Variants in EPC1 observed in about 807,000 individuals in gnomAD.
EPC1 encodes the protein enhancer of polycomb 1, also known as enhancer of polycomb homolog 1.
Under a neutral mutation model 98.4 loss-of-function variants are expected in EPC1, and 12 were observed. That is an observed-to-expected ratio of 0.12 (90% CI 0.08 to 0.20). The LOEUF is 0.20. Ranked by LOEUF, EPC1 falls within the 10% of genes least tolerant of loss-of-function variation. EPC1 has a pLI of 1.00. For missense variants in EPC1, 729 were observed against 990.5 expected (o/e 0.74, Z 3.54); for synonymous variants, 357 against 363.9 (o/e 0.98, Z 0.21).
At chr10:32,361,584 T>G (rs754687663) in intron 1 of EPC1, among the ~76,000 whole-genome samples, 3 of 152,232 alleles carry the variant, frequency 2.0e-5, no homozygotes, top group Non-Finnish European at 2.9e-5. Context: ...CTTAGTCATT[T>G]AGAAATGCAA....
intron 1 of EPC1, among the ~76,000 whole-genome samples, chr10:32,363,261 G>T (rs1839495279): frequency 6.6e-6 from 1 of 152,092 alleles, no homozygotes; most frequent in Non-Finnish European, 1.5e-5. Flanking sequence ...TTTTTGCAGA[G>T]AAAATTTTGT....
intron 2 of EPC1, among the ~76,000 whole-genome samples, chr10:32,304,416 T>G: frequency 6.6e-6 from 1 of 152,202 alleles, no homozygotes; most frequent in South Asian, 2.1e-4. Context: ...AAATCCACCT[T>G]GGCATGATTT....
At chr10:32,280,905 T>C (rs1836378107) in intron 10 of EPC1, among the ~76,000 whole-genome samples, 1 of 152,214 alleles carries the variant, frequency 6.6e-6, no homozygotes, top group Non-Finnish European at 1.5e-5. Context: ...ACGTCTGAAA[T>C]CTGAAATGCT....
chr10:32,304,622 A>G (rs1448311680), intron 2 of EPC1, among the ~76,000 whole-genome samples: 1 of 152,212 alleles, frequency 6.6e-6, no homozygotes, highest in Non-Finnish European at 1.5e-5. Context: ...GGTCCCCTAG[A>G]AAAACCTCTT....
intron 1 of EPC1, among the ~76,000 whole-genome samples, chr10:32,336,111 C>G (rs527356605): frequency 1.4e-5 from 2 of 147,816 alleles, no homozygotes; most frequent in African/African-American, 5.2e-5. Context: ...TCTTATTGTC[C>G]AGGCTGGAGT....
chr10:32,292,423 G>T, intron 5 of EPC1, 73 bp downstream of exon 5: 1 of 1,098,306 alleles, frequency 9.1e-7, no homozygotes, highest in Non-Finnish European at 1.3e-6. Context: ...TATTGCATAG[G>T]AAATAAATTA....
chr10:32,306,032 G>C, intron 1 of EPC1, 101 bp from the exon 2 acceptor site: 3 of 1,012,656 alleles, frequency 3.0e-6, no homozygotes, highest in Middle Eastern at 4.5e-4. Context: ...TTTTAAAATA[G>C]AGAGATTCTA....
intron 2 of EPC1, among the ~76,000 whole-genome samples, chr10:32,294,799 C>T (rs1835051010): frequency 6.6e-6 from 1 of 152,130 alleles, no homozygotes; most frequent in Admixed American, 6.6e-5. Flanking sequence ...ACTAACATTA[C>T]AGTCCACATC....
chr10:32,298,289 G>C (rs369184665), intron 2 of EPC1, among the ~76,000 whole-genome samples: 2 of 152,180 alleles, frequency 1.3e-5, no homozygotes, highest in African/African-American at 4.8e-5. Flanking sequence ...CTCAAACTAA[G>C]TGTGCATTCG....
chr10:32,369,700 A>G (rs1839695920), intron 1 of EPC1, among the ~76,000 whole-genome samples: 1 of 152,234 alleles, frequency 6.6e-6, no homozygotes, highest in African/African-American at 2.4e-5. Context: ...CACTTGACCT[A>G]ATGGAGTAAG....
At chr10:32,370,827 G>A (rs1055832883) in intron 1 of EPC1, among the ~76,000 whole-genome samples, 2 of 152,194 alleles carry the variant, frequency 1.3e-5, no homozygotes, top group African/African-American at 4.8e-5. Flanking sequence ...TTACTAGTGA[G>A]TACCGTATTG....
upstream of EPC1, among the ~76,000 whole-genome samples, chr10:32,351,508 A>C (rs1256641834): frequency 6.6e-6 from 1 of 151,804 alleles, no homozygotes; most frequent in African/African-American, 2.4e-5. Context: ...AATACAAAAA[A>C]TTAGCCAGGC....
At chr10:32,359,870 A>G (rs1049866682) in intron 1 of EPC1, among the ~76,000 whole-genome samples, 3 of 152,148 alleles carry the variant, frequency 2.0e-5, no homozygotes, top group Non-Finnish European at 4.4e-5. Context: ...GTTTTGTATC[A>G]TTCATATGTT....
intron 1 of EPC1, among the ~76,000 whole-genome samples, chr10:32,327,913 C>T (rs765244856): frequency 1.3e-5 from 2 of 152,132 alleles, no homozygotes; most frequent in African/African-American, 2.4e-5. Flanking sequence ...ATGATCACTA[C>T]GTGCCAATTT....
At chr10:32,347,207 G>A (rs1838905103), upstream of EPC1, 1 of 1,230,620 alleles carries the variant, frequency 8.1e-7, no homozygotes, top group East Asian at 3.2e-5. Flanking sequence ...TCGCGCAGCG[G>A]CGCGGGCACG....
chr10:32,325,658 A>T (rs1021857249), intron 1 of EPC1, among the ~76,000 whole-genome samples: 11 of 152,238 alleles, frequency 7.2e-5, no homozygotes, highest in African/African-American at 2.4e-4. Flanking sequence ...AACCATACTA[A>T]AAGTTTGTAT....
At chr10:32,318,240 T>C (rs1244787325) in intron 1 of EPC1, among the ~76,000 whole-genome samples, 1 of 152,204 alleles carries the variant, frequency 6.6e-6, no homozygotes, top group African/African-American at 2.4e-5. Flanking sequence ...TTGTAATCTT[T>C]ATGCTGATGA....
chr10:32,288,312 CTT>C (rs5784278), intron 6 of EPC1, among the ~76,000 whole-genome samples: 29 of 124,090 alleles, frequency 2.3e-4, no homozygotes, highest in South Asian at 7.6e-4. Context: ...TTACTTTTTT[CTT>C]TTTTTTTTTT....
intron 4 of EPC1, 141 bp downstream of exon 4, chr10:32,292,847 A>G: frequency 2.6e-6 from 2 of 755,468 alleles, no homozygotes; most frequent in South Asian, 5.4e-5. Flanking sequence ...CTGCATAATA[A>G]ATCTTAAGTT....
Sources: gnomAD v4.1 joint callset for allele counts (sites outside exome capture counted in the v4.1 genomes callset) on GRCh38, gnomAD v4.1.1 for gene constraint, MANE v1.5 for transcripts, NCBI Gene and HGNC (gene_info 2026-07-23, HGNC 2026-07-21) for gene names.